DLG2: variants seen among roughly 807,000 people sequenced by gnomAD.
DLG2 encodes the protein disks large homolog 2.
Under a neutral mutation model 132.5 loss-of-function variants are expected in DLG2, and 45 were observed. The ratio of observed to expected loss-of-function variants is 0.34; its 90% CI spans 0.27 to 0.44. The LOEUF (loss-of-function observed/expected upper bound fraction) is 0.44. Among genes scored for constraint, DLG2 ranks in the 20% least tolerant of loss-of-function variants. DLG2 has a pLI of 1.00. For missense variants in DLG2, 1,045 were observed against 1,196.9 expected, an observed-to-expected ratio of 0.87 and a Z score of 1.87; for synonymous variants, 424 against 419.6, an observed-to-expected ratio of 1.01 and a Z score of -0.13.
intron 3 of DLG2, among the ~76,000 whole-genome samples, chr11:85,318,634 T>C (rs1383802309): frequency 1.3e-5 from 2 of 151,584 alleles, no homozygotes; most frequent in African/African-American, 4.8e-5. Context: ...CCAACCGGAC[T>C]AGAAAATATT....
chr11:85,345,943 G>T (rs528795469), intron 3 of DLG2, among the ~76,000 whole-genome samples: 7 of 152,056 alleles, frequency 4.6e-5, no homozygotes, highest in African/African-American at 1.4e-4. Flanking sequence ...CAGGGAAGAG[G>T]TCCCTATCCA....
At chr11:83,613,331 C>T (rs1366568672) in intron 19 of DLG2, among the ~76,000 whole-genome samples, 5 of 152,156 alleles carry the variant, frequency 3.3e-5, no homozygotes, top group African/African-American at 7.2e-5. Flanking sequence ...CACACATATG[C>T]GCACACTCAA....
intron 3 of DLG2, among the ~76,000 whole-genome samples, chr11:85,335,188 C>G (rs893058531): frequency 6.6e-6 from 1 of 150,788 alleles, no homozygotes; most frequent in Non-Finnish European, 1.5e-5. Flanking sequence ...CCTCTTTGAT[C>G]AATATTAAAG....
At chr11:84,362,506 T>A (rs1251972877) in intron 7 of DLG2, among the ~76,000 whole-genome samples, 1 of 148,550 alleles carries the variant, frequency 6.7e-6, no homozygotes, top group East Asian at 2.0e-4. Flanking sequence ...TTTTTTTTAA[T>A]AATTTTTTTT....
chr11:84,782,571 A>C lies in DLG2; in HGVS notation c.358-247840T>G, dbSNP rs1227807394. ...GAAGATCTATGAATCCCGGGTTAAGAAATCCTAGGTTGTGGAAATGGCACT... is the reference window on the plus strand; with the variant it reads ...GAAGATCTATGAATCCCGGGTTAAGCAATCCTAGGTTGTGGAAATGGCACT... On this transcript the variant is annotated intron_variant, in intron 6 of 27. Coordinates refer to ENST00000376104, the MANE Select transcript of DLG2 (RefSeq NM_001142699.3). 2.6e-5 allele frequency among the ~76,000 whole-genome samples: 4 copies of C among 152,144 alleles called. 1 individual carries two copies. The highest frequency in any genetic ancestry group is 9.7e-5 in the African/African-American group (4 of 41,426).
chr11:84,988,738 G>A (rs769014995), intron 6 of DLG2, among the ~76,000 whole-genome samples: 2 of 152,150 alleles, frequency 1.3e-5, no homozygotes, highest in Non-Finnish European at 1.5e-5. Flanking sequence ...TGGGAAGGGA[G>A]TGAGGGATAA....
intron 16 of DLG2, among the ~76,000 whole-genome samples, chr11:83,849,478 TAAGAC>T (rs1321893860): frequency 6.6e-6 from 1 of 151,696 alleles, no homozygotes; most frequent in Admixed American, 6.6e-5. Flanking sequence ...GAGGAAGAAA[TAAGAC>T]ATAAATATAG....
chr11:84,310,050 G>T (rs2098271208), intron 7 of DLG2, among the ~76,000 whole-genome samples: 1 of 152,126 alleles, frequency 6.6e-6, no homozygotes. Flanking sequence ...ACTCACTCAG[G>T]GTTCCTGAGA....
chr11:84,058,409 A>G (rs1042014440), intron 11 of DLG2, among the ~76,000 whole-genome samples: 3 of 151,560 alleles, frequency 2.0e-5, no homozygotes, highest in African/African-American at 4.8e-5. Flanking sequence ...TAATCCCAAC[A>G]CTTTGGGAGG....
chr11:84,323,157 A>G (rs2098413879), intron 7 of DLG2, among the ~76,000 whole-genome samples: 1 of 152,068 alleles, frequency 6.6e-6, no homozygotes. Flanking sequence ...CTTTTTCACC[A>G]TGCATGATTA....
At chr11:85,525,975 C>A (rs1210941307) in intron 3 of DLG2, among the ~76,000 whole-genome samples, 1 of 152,114 alleles carries the variant, frequency 6.6e-6, no homozygotes, top group Non-Finnish European at 1.5e-5. Flanking sequence ...GTGAAAAGAA[C>A]CACCCAAAAG....
chr11:85,476,782 A>T (rs955643198), intron 3 of DLG2, among the ~76,000 whole-genome samples: 4 of 152,088 alleles, frequency 2.6e-5, no homozygotes, highest in Admixed American at 6.6e-5. Flanking sequence ...GTTATCTACT[A>T]TGATTAACAA....
At chr11:84,145,517 C>A (rs2095045899) in intron 9 of DLG2, among the ~76,000 whole-genome samples, 1 of 152,118 alleles carries the variant, frequency 6.6e-6, no homozygotes, top group African/African-American at 2.4e-5. Flanking sequence ...GTTGTATAGG[C>A]AGTTTGTCAT....
At chr11:84,106,523 T>C (rs76096157) in intron 9 of DLG2, among the ~76,000 whole-genome samples, 2,681 of 152,206 alleles carry the variant, frequency 0.018, 80 homozygotes, top group African/African-American at 0.062. Flanking sequence ...AGTCCAGGAA[T>C]AAGAAATGCC....
intron 10 of DLG2, among the ~76,000 whole-genome samples, chr11:84,079,817 T>C (rs2096878884): frequency 6.6e-6 from 1 of 152,204 alleles, no homozygotes; most frequent in Non-Finnish European, 1.5e-5. Context: ...TGTGCCAGTC[T>C]GCACTCTCCC....
chr11:83,687,620 AT>A (rs142830845), intron 18 of DLG2, among the ~76,000 whole-genome samples: 9 of 151,872 alleles, frequency 5.9e-5, no homozygotes, highest in African/African-American at 1.9e-4. Flanking sequence ...CAGTAGTTGG[AT>A]TTTTTTCGTA....
At chr11:83,566,712 G>GGT (rs59829516) in intron 19 of DLG2, among the ~76,000 whole-genome samples, 45,407 of 143,770 alleles carry the variant, frequency 0.32, 7,489 homozygotes, top group Admixed American at 0.4. Flanking sequence ...CAGAGGGCAT[G>GGT]GTGTGTGTGT....
chr11:84,822,157 G>A (rs535408277), intron 6 of DLG2, among the ~76,000 whole-genome samples: 2 of 151,912 alleles, frequency 1.3e-5, no homozygotes, highest in African/African-American at 2.4e-5. Flanking sequence ...CTCTGCACAA[G>A]AGCCACATCT....
intron 6 of DLG2, among the ~76,000 whole-genome samples, chr11:84,598,936 C>T (rs1052067678): frequency 2.0e-5 from 3 of 150,176 alleles, no homozygotes; most frequent in African/African-American, 7.4e-5. Context: ...AGAGTGAGAC[C>T]CTGCCTCTAA....
Sources: gnomAD v4.1 joint callset for allele counts (sites outside exome capture counted in the v4.1 genomes callset) on GRCh38, gnomAD v4.1.1 for gene constraint, MANE v1.5 for transcripts, NCBI Gene and HGNC (gene_info 2026-07-23, HGNC 2026-07-21) for gene names.